Variants in ROBO1 observed in about 807,000 individuals in gnomAD.
ROBO1 encodes the protein roundabout homolog 1.
Under a neutral mutation model 195.9 loss-of-function variants are expected in ROBO1, and 149 were observed. The observed-to-expected ratio is 0.76, with a 90% CI of 0.67 to 0.87. The LOEUF (loss-of-function observed/expected upper bound fraction) is 0.87, where lower values mean the gene tolerates loss of function less well. Ranked by LOEUF, ROBO1 falls within the 40% of genes least tolerant of loss-of-function variation. The pLI is 0.00. For missense variants in ROBO1, 1,933 were observed against 2,068.3 expected, an observed-to-expected ratio of 0.93 and a Z score of 1.27; for synonymous variants, 816 against 733.2, an observed-to-expected ratio of 1.11 and a Z score of -1.82.
intron 2 of ROBO1, among the ~76,000 whole-genome samples, chr3:79,302,785 T>C (rs1213405883): frequency 6.6e-6 from 1 of 152,172 alleles, no homozygotes. Flanking sequence ...TCAGTCATTA[T>C]TGCCTAAATT....
At chr3:78,883,649 A>G (rs2036318885) in intron 4 of ROBO1, among the ~76,000 whole-genome samples, 1 of 152,204 alleles carries the variant, frequency 6.6e-6, no homozygotes. Flanking sequence ...CATGAGCTAC[A>G]GTGCCCTGCT....
chr3:78,910,643 A>AT (rs2038187742), intron 4 of ROBO1, among the ~76,000 whole-genome samples: 1 of 151,986 alleles, frequency 6.6e-6, no homozygotes, highest in African/African-American at 2.4e-5. Context: ...AAATGACGGG[A>AT]TATGACCGTG....
At chr3:79,536,243 C>A (rs951760732) in intron 2 of ROBO1, among the ~76,000 whole-genome samples, 3 of 151,966 alleles carry the variant, frequency 2.0e-5, no homozygotes, top group African/African-American at 2.4e-5. Flanking sequence ...TATATACACA[C>A]AAATACACAC....
chr3:79,564,857 A>C (rs2107723976), intron 2 of ROBO1, among the ~76,000 whole-genome samples: 1 of 152,204 alleles, frequency 6.6e-6, no homozygotes, highest in South Asian at 2.1e-4. Context: ...CAGAAAGAAG[A>C]ATGTCTTGAT....
intron 3 of ROBO1, among the ~76,000 whole-genome samples, chr3:79,103,663 T>A (rs2079720477): frequency 6.6e-6 from 1 of 151,742 alleles, no homozygotes; most frequent in South Asian, 2.1e-4. Context: ...TTATTAAATA[T>A]AAATTTTATC....
intron 2 of ROBO1, among the ~76,000 whole-genome samples, chr3:79,135,051 TA>T (rs34852498): frequency 0.71 from 106,405 of 150,020 alleles, 37,776 homozygotes; most frequent in East Asian, 0.8. Context: ...AAAAAAACAT[TA>T]AAAAAAAAAT....
At chr3:79,222,892 T>A (rs79469282) in intron 2 of ROBO1, among the ~76,000 whole-genome samples, 9,159 of 152,120 alleles carry the variant, frequency 0.06, 363 homozygotes, top group Middle Eastern at 0.099. Flanking sequence ...CCAGATAGGA[T>A]TTTCTAAGCC....
At chr3:79,492,285 C>T (rs981050646) in intron 2 of ROBO1, among the ~76,000 whole-genome samples, 1 of 151,812 alleles carries the variant, frequency 6.6e-6, no homozygotes, top group Non-Finnish European at 1.5e-5. Context: ...ATTAGCCAGG[C>T]GTGGTGGCTG....
intron 3 of ROBO1, among the ~76,000 whole-genome samples, chr3:79,094,475 T>C (rs1001399690): frequency 2.0e-5 from 3 of 152,138 alleles, no homozygotes; most frequent in African/African-American, 7.2e-5. Flanking sequence ...CCAGGTCTCA[T>C]CTTTTTCACT....
intron 2 of ROBO1, among the ~76,000 whole-genome samples, chr3:79,566,053 G>T (rs903914894): frequency 2.0e-5 from 3 of 151,982 alleles, no homozygotes; most frequent in East Asian, 1.9e-4. Flanking sequence ...AATGAAGAAA[G>T]AACTCTTGAG....
At chr3:78,872,514 G>GACATTCTGTTTGATGTTTGACA (rs1219521537) in intron 4 of ROBO1, among the ~76,000 whole-genome samples, 2 of 152,180 alleles carry the variant, frequency 1.3e-5, no homozygotes, top group Non-Finnish European at 2.9e-5. Context: ...CAAGGTTGAT[G>GACATTCTGTTTGATGTTTGACA]ACCTTCTGTT....
At chr3:78,757,430 C>T (rs1003407521) in intron 4 of ROBO1, among the ~76,000 whole-genome samples, 3 of 52,974 alleles carry the variant, frequency 5.7e-5, no homozygotes, top group African/African-American at 1.2e-4. Flanking sequence ...GGCATGCGCA[C>T]ATGCACACAC....
At chr3:78,717,029 A>G (rs552335776) in intron 7 of ROBO1, among the ~76,000 whole-genome samples, 1 of 152,248 alleles carries the variant, frequency 6.6e-6, no homozygotes, top group Non-Finnish European at 1.5e-5. Flanking sequence ...CTGTGATATT[A>G]AAGAATATCA....
rs1159403574 is a variant in ROBO1 at position 78,668,017 on chromosome 3, G to T, written c.1832C>A (p.Ala611Glu). The T allele has an allele frequency of 6.8e-6, 11 of 1,613,466 alleles. No homozygotes were observed. The highest frequency in any genetic ancestry group is 4.0e-5 in the African/African-American group (3 of 74,878). ...HASGSSWQTV[A>E]ENVKTETSAI... is the part of the protein sequence containing the mutation. ...AGATGTTTCTGTTTTCACATTCTCT[G>T]CTACGGTCTGCCAGCTGCTACCAGA... The change falls in exon 14 of 31, where the codon GCA becomes GAA. Residue 611 changes from alanine to glutamate, a missense_variant. By Grantham distance (107) the Ala-to-Glu change is moderately radical. Coordinates refer to ENST00000464233, the MANE Select transcript of ROBO1 (RefSeq NM_002941.4).
intron 1 of ROBO1, among the ~76,000 whole-genome samples, chr3:79,606,596 C>T (rs892216607): frequency 6.6e-6 from 1 of 151,804 alleles, no homozygotes; most frequent in Non-Finnish European, 1.5e-5. Context: ...ATTACTTAAC[C>T]TGTTATTCTA....
Position 79,445,226 on chromosome 3 carries a change from C to T in ROBO1, c.88+144598G>A, listed in dbSNP as rs917689224. ...TTTTGTGTCATAAGATACATATTTGCGTACATCATATCCACACCAATGCAT... is the reference window on the plus strand; with the variant it reads ...TTTTGTGTCATAAGATACATATTTGTGTACATCATATCCACACCAATGCAT... On this transcript the variant is annotated intron_variant, in intron 2 of 30. Coordinates refer to ENST00000464233, the MANE Select transcript of ROBO1 (RefSeq NM_002941.4). Among the ~76,000 whole-genome samples, 7 of 151,444 alleles carry T rather than the reference C, an allele frequency of 4.6e-5. No homozygotes were observed. In the East Asian group the frequency reaches 5.9e-4, roughly 13 times the overall value.
chr3:79,633,062 C>T (rs1449247259), intron 1 of ROBO1, among the ~76,000 whole-genome samples: 1 of 151,722 alleles, frequency 6.6e-6, no homozygotes, highest in African/African-American at 2.4e-5. Flanking sequence ...CAGGTTAAAA[C>T]ATGTTATACA....
intron 29 of ROBO1, among the ~76,000 whole-genome samples, chr3:78,606,052 G>A (rs1703442753): frequency 6.6e-6 from 1 of 152,108 alleles, no homozygotes; most frequent in Admixed American, 6.6e-5. Flanking sequence ...ACTGTATAGT[G>A]CTGCCAGTTA....
chr3:79,168,584 C>T (rs528369859), intron 2 of ROBO1, among the ~76,000 whole-genome samples: 2 of 152,138 alleles, frequency 1.3e-5, no homozygotes, highest in South Asian at 4.1e-4. Flanking sequence ...GCTTATATTG[C>T]TTTTTCCTTT....
Sources: gnomAD v4.1 joint callset for allele counts (sites outside exome capture counted in the v4.1 genomes callset) on GRCh38, gnomAD v4.1.1 for gene constraint, MANE v1.5 for transcripts, NCBI Gene and HGNC (gene_info 2026-07-23, HGNC 2026-07-21) for gene names.